RALGAPA2: variants seen among roughly 807,000 people sequenced by gnomAD.
The protein encoded by RALGAPA2 is ral GTPase-activating protein subunit alpha-2.
Under a neutral mutation model 230.4 loss-of-function variants are expected in RALGAPA2, and 139 were observed. The observed-to-expected ratio is 0.60, with a 90% confidence interval of 0.53 to 0.69. The LOEUF (loss-of-function observed/expected upper bound fraction) is 0.69, where lower values mean the gene tolerates loss of function less well. RALGAPA2 is among the 30% of genes least tolerant of loss of function. RALGAPA2 has a pLI of 0.00. For missense variants in RALGAPA2, 2,163 were observed against 2,276.0 expected (o/e 0.95, Z 1.01); for synonymous variants, 847 against 837.8 (o/e 1.01, Z -0.19).
rs1201055891 is a variant in RALGAPA2, at chr20:20,512,636, T to C, written c.4733A>G (p.His1578Arg). Residue 1578 changes from histidine to arginine, a missense_variant, in exon 32 of 40, where the codon CAT (histidine) becomes CGT (arginine). By Grantham distance (29) the His-to-Arg change is conservative. Coordinates refer to ENST00000202677, the MANE Select transcript of RALGAPA2 (RefSeq NM_020343.4). ...NAQEDEYIQS[H>R]NFDSAMKVTS... ...GACTTTCATTGCAGAATCGAAGTTATGACTCTGGATATACTCATCCTCTTG... is the reference window on the plus strand; with the variant it reads ...GACTTTCATTGCAGAATCGAAGTTACGACTCTGGATATACTCATCCTCTTG... 3 of 1,613,896 alleles carry C rather than the reference T, an allele frequency of 1.9e-6. No homozygotes were observed. Among genetic ancestry groups the C allele is most frequent in the Admixed American group, 3.3e-5 (2 of 60,012 alleles).
At chr20:20,505,556 G>A in intron 33 of RALGAPA2, 22 bp from the exon 34 acceptor site, 1 of 1,532,186 alleles carries the variant, frequency 6.5e-7, no homozygotes. Context: ...TAAATTTAAA[G>A]GAGTTAGAAT....
At chr20:20,679,921 G>C (rs1200931323) in intron 2 of RALGAPA2, among the ~76,000 whole-genome samples, 1 of 152,144 alleles carries the variant, frequency 6.6e-6, no homozygotes, top group African/African-American at 2.4e-5. Flanking sequence ...CTACTTCATA[G>C]AGCTGTGGGG....
intron 2 of RALGAPA2, among the ~76,000 whole-genome samples, chr20:20,679,448 C>T (rs2068447521): frequency 6.6e-6 from 1 of 152,132 alleles, no homozygotes; most frequent in Admixed American, 6.5e-5. Context: ...GTGTTCTTGC[C>T]TCTGGTTCAA....
chr20:20,409,247 C>T (rs1456106262), intron 38 of RALGAPA2, among the ~76,000 whole-genome samples: 3 of 152,196 alleles, frequency 2.0e-5, no homozygotes, highest in African/African-American at 7.2e-5. Context: ...TTACTTCAGA[C>T]TTAAAGGCTG....
intron 14 of RALGAPA2, among the ~76,000 whole-genome samples, chr20:20,609,581 T>C (rs2065918463): frequency 6.6e-6 from 1 of 152,076 alleles, no homozygotes; most frequent in Admixed American, 6.6e-5. Context: ...TAGATACTTG[T>C]TTAATTCTGT....
At chr20:20,527,499 G>C (rs1429433712) in intron 27 of RALGAPA2, among the ~76,000 whole-genome samples, 3 of 152,024 alleles carry the variant, frequency 2.0e-5, no homozygotes, top group Non-Finnish European at 4.4e-5. Context: ...ACTTTGCTTG[G>C]AACACTTAAT....
intron 12 of RALGAPA2, among the ~76,000 whole-genome samples, chr20:20,617,855 A>G (rs997509452): frequency 6.6e-6 from 1 of 152,340 alleles, no homozygotes; most frequent in Middle Eastern, 3.4e-3. Context: ...GGTATTAGAT[A>G]TAAGAACAAA....
chr20:20,425,842 G>C (rs2060371917), intron 37 of RALGAPA2, among the ~76,000 whole-genome samples: 1 of 152,246 alleles, frequency 6.6e-6, no homozygotes, highest in South Asian at 2.1e-4. Context: ...GCTCCCTCAT[G>C]ATCAGAAGTA....
At chr20:20,433,387 A>C (rs530839575) in intron 37 of RALGAPA2, among the ~76,000 whole-genome samples, 2 of 152,332 alleles carry the variant, frequency 1.3e-5, no homozygotes, top group African/African-American at 4.8e-5. Context: ...AGGTGAGAGA[A>C]AGAAACTAGG....
chr20:20,678,782 C>T (rs1248931517), intron 2 of RALGAPA2, among the ~76,000 whole-genome samples: 1 of 152,142 alleles, frequency 6.6e-6, no homozygotes, highest in Non-Finnish European at 1.5e-5. Flanking sequence ...AGCTCACCGC[C>T]CTGTGACTCC....
At chr20:20,644,310 A>G (rs73294796) in intron 4 of RALGAPA2, among the ~76,000 whole-genome samples, 1,687 of 152,280 alleles carry the variant, frequency 0.011, 30 homozygotes, top group African/African-American at 0.039. Flanking sequence ...ATCCTTTAAG[A>G]AAAAAATTAC....
intron 28 of RALGAPA2, among the ~76,000 whole-genome samples, chr20:20,525,812 T>G (rs1201793427): frequency 6.6e-6 from 1 of 152,172 alleles, no homozygotes; most frequent in African/African-American, 2.4e-5. Flanking sequence ...GGTAGCAATC[T>G]CATTACAGCC....
chr20:20,537,171 A>G (rs893940380), intron 24 of RALGAPA2, among the ~76,000 whole-genome samples: 1 of 152,190 alleles, frequency 6.6e-6, no homozygotes, highest in African/African-American at 2.4e-5. Context: ...GGAAGTAGAG[A>G]TGGAGGTAAC....
At chr20:20,702,595 C>T (rs2069428355) in intron 1 of RALGAPA2, among the ~76,000 whole-genome samples, 1 of 152,168 alleles carries the variant, frequency 6.6e-6, no homozygotes, top group Non-Finnish European at 1.5e-5. Flanking sequence ...GGGCTAAGAG[C>T]TTCCCAAGGG....
At chr20:20,530,158 T>C (rs2063330275) in intron 27 of RALGAPA2, among the ~76,000 whole-genome samples, 1 of 152,170 alleles carries the variant, frequency 6.6e-6, no homozygotes. Context: ...TGTTCTGGGT[T>C]TGGCTTTGGC....
chr20:20,466,422 A>G (rs1446504071), intron 37 of RALGAPA2, among the ~76,000 whole-genome samples: 1 of 152,212 alleles, frequency 6.6e-6, no homozygotes, highest in Non-Finnish European at 1.5e-5. Context: ...TGACACTGAG[A>G]TAAAGCTGCT....
intron 36 of RALGAPA2, among the ~76,000 whole-genome samples, chr20:20,489,070 T>C (rs1180324452): frequency 6.6e-6 from 1 of 152,200 alleles, no homozygotes; most frequent in Non-Finnish European, 1.5e-5. Context: ...GGATCCTGAG[T>C]AGCCTTCTTC....
At chr20:20,680,935 T>A in intron 1 of RALGAPA2, 134 bp from the exon 2 acceptor site, 1 of 1,390,776 alleles carries the variant, frequency 7.2e-7, no homozygotes, top group Non-Finnish European at 9.4e-7. Flanking sequence ...CAAAACAGTA[T>A]TCCTGTTTGT....
chr20:20,514,125 GGTATA>G (rs376192014), intron 31 of RALGAPA2, among the ~76,000 whole-genome samples: 166 of 151,370 alleles, frequency 1.1e-3, no homozygotes, highest in African/African-American at 3.8e-3. Context: ...CACACATCAT[GGTATA>G]GTAGGGCCCT....
Sources: gnomAD v4.1 joint callset for allele counts (sites outside exome capture counted in the v4.1 genomes callset) on GRCh38, gnomAD v4.1.1 for gene constraint, MANE v1.5 for transcripts, NCBI Gene and HGNC (gene_info 2026-07-23, HGNC 2026-07-21) for gene names.